The following SRGAP3 variants were observed in gnomAD, a reference collection of about 807,000 sequenced individuals.
SRGAP3 encodes SLIT-ROBO Rho GTPase-activating protein 3.
In SRGAP3, 39 loss-of-function variants were observed where a neutral mutation model predicts 121.1. The observed-to-expected ratio is 0.32, with a 90% CI of 0.25 to 0.42. SRGAP3 has a LOEUF of 0.42. Among genes scored for constraint, SRGAP3 ranks in the 10% least tolerant of loss-of-function variants. The pLI is 1.00. For synonymous variants in SRGAP3, 601 were observed against 570.0 expected, an observed-to-expected ratio of 1.05 and a Z score of -0.77; for missense variants, 1,213 against 1,470.6, an observed-to-expected ratio of 0.82 and a Z score of 2.86.
At chr3:9,120,275 A>T (rs1407139029) in intron 2 of SRGAP3, among the ~76,000 whole-genome samples, 2 of 152,204 alleles carry the variant, frequency 1.3e-5, no homozygotes, top group Non-Finnish European at 2.9e-5. Flanking sequence ...ACCAGGTGGG[A>T]ATCAAGGAAG....
chr3:9,189,620 T>C (rs1951694372), intron 1 of SRGAP3, among the ~76,000 whole-genome samples: 1 of 152,226 alleles, frequency 6.6e-6, no homozygotes, highest in Non-Finnish European at 1.5e-5. Context: ...TCAGCTCAAG[T>C]GCCTTCTAAT....
chr3:9,187,297 T>G (rs1187772438), intron 1 of SRGAP3, among the ~76,000 whole-genome samples: 2 of 151,912 alleles, frequency 1.3e-5, no homozygotes, highest in East Asian at 3.9e-4. Flanking sequence ...GCCTCCAAGG[T>G]GAAAAGTTGC....
At position 9,064,858 on chromosome 3, in the gene SRGAP3, TAATAATA is replaced by T. The variant is rs1487078019; in HGVS notation, c.487-284_487-278del. Among the ~76,000 whole-genome samples the T allele has an allele frequency of 7.4e-5, 7 of 94,632 alleles. No homozygotes were observed. The Middle Eastern group carries it at 0.025, about 341-fold the overall frequency. 62.1% of individuals were successfully genotyped at this position (94,632 alleles called of 152,430 possible). A position where few individuals can be genotyped will look rare whatever the true frequency, so the allele number is the denominator to read the frequency against. Reference sequence around the variant, plus strand: ...GGCTAGTAAAGAGGAAATTAAAAAATAATAATAAATAAATAAATAAATAAATAAATAA... The same window carrying T: ...GGCTAGTAAAGAGGAAATTAAAAAATAATAAATAAATAAATAAATAAATAA... On this transcript the variant is annotated intron_variant, in intron 4 of 21. Coordinates refer to ENST00000383836, the MANE Select transcript of SRGAP3 (RefSeq NM_014850.4).
chr3:9,134,486 T>C (rs1272120505), intron 1 of SRGAP3, among the ~76,000 whole-genome samples: 5 of 152,128 alleles, frequency 3.3e-5, no homozygotes, highest in Admixed American at 3.3e-4. Flanking sequence ...CTGATTATCA[T>C]GACATCCTAT....
intron 2 of SRGAP3, among the ~76,000 whole-genome samples, chr3:9,108,256 T>C (rs1948487051): frequency 6.6e-6 from 1 of 152,066 alleles, no homozygotes; most frequent in African/African-American, 2.4e-5. Flanking sequence ...TCAGAATCTC[T>C]GGGGGTAGCG....
At chr3:9,360,789 T>A (rs1260039489) in intron 1 of SRGAP3, among the ~76,000 whole-genome samples, 5 of 152,154 alleles carry the variant, frequency 3.3e-5, no homozygotes, top group African/African-American at 9.7e-5. Context: ...TCCCACTGGG[T>A]CCCTCCCACA....
At chr3:9,332,352 TCAAG>T (rs1955622807) in intron 1 of SRGAP3, among the ~76,000 whole-genome samples, 1 of 152,186 alleles carries the variant, frequency 6.6e-6, no homozygotes, top group African/African-American at 2.4e-5. Flanking sequence ...ACTCCCAACC[TCAAG>T]TGATCCACCT....
In SRGAP3 at chr3:8,990,682, T is replaced by A. The variant is rs1408381613; in HGVS notation, c.2716A>T (p.Ile906Phe). The stretch of plus-strand genomic sequence containing the variant: ...ATCCTCCGCTTCTCAGGGCTCTCGA[T>A]CCTCCCCCGGGTGAGGGGGATTTTG... ...PHKIPLTRGRIESPEKRRMAT... is the reference protein window; with the variant it reads ...PHKIPLTRGRFESPEKRRMAT... The change falls in exon 21 of 22, where the codon ATC becomes TTC. Residue 906 changes from isoleucine (I) to phenylalanine (F), a missense_variant. Coordinates refer to ENST00000383836, the MANE Select transcript of SRGAP3 (RefSeq NM_014850.4). 2.5e-6 allele frequency: 4 copies of A among 1,613,338 alleles called. No individual in the cohort carries two copies. Among genetic ancestry groups the A allele is most frequent in the Non-Finnish European group, 3.4e-6 (4 of 1,179,866 alleles).
intron 1 of SRGAP3, among the ~76,000 whole-genome samples, chr3:9,342,120 G>A (rs1575019103): frequency 2.0e-5 from 3 of 152,202 alleles, no homozygotes; most frequent in African/African-American, 7.2e-5. Flanking sequence ...GGAAGCCGAG[G>A]CAGGCGAATC....
intron 3 of SRGAP3, among the ~76,000 whole-genome samples, chr3:9,262,189 T>A (rs1221504763): frequency 1.3e-5 from 2 of 152,072 alleles, no homozygotes. Flanking sequence ...CAGGGCTGCC[T>A]TACAAGAGTT....
At chr3:9,317,814 T>C (rs1479554655) in intron 3 of SRGAP3, among the ~76,000 whole-genome samples, 1 of 152,200 alleles carries the variant, frequency 6.6e-6, no homozygotes, top group Non-Finnish European at 1.5e-5. Flanking sequence ...TGAAAACCAC[T>C]GATACGGGGA....
At chr3:9,025,470 C>T (rs2125068624) in intron 13 of SRGAP3, 132 bp from the exon 14 acceptor site, 2 of 1,030,164 alleles carry the variant, frequency 1.9e-6, no homozygotes, top group African/African-American at 1.6e-5. Context: ...CAGAGTCGTT[C>T]CCTATGAATG....
chr3:9,094,402 C>A (rs1443103491), intron 3 of SRGAP3, among the ~76,000 whole-genome samples: 1 of 152,184 alleles, frequency 6.6e-6, no homozygotes, highest in Admixed American at 6.5e-5. Context: ...TTCTCTGTTT[C>A]TCTATTAGAA....
chr3:9,288,466 A>C (rs1486777488), intron 3 of SRGAP3, among the ~76,000 whole-genome samples: 2 of 151,230 alleles, frequency 1.3e-5, no homozygotes, highest in Non-Finnish European at 2.9e-5. Context: ...AGAGCTCTAG[A>C]TATTGTTCCA....
At chr3:9,305,670 T>C (rs947885966) in intron 3 of SRGAP3, among the ~76,000 whole-genome samples, 9 of 152,146 alleles carry the variant, frequency 5.9e-5, no homozygotes, top group African/African-American at 1.7e-4. Flanking sequence ...TTTGGTTTTC[T>C]GTCCTTGTGA....
At chr3:9,045,611 G>A (rs768818303) in intron 10 of SRGAP3, among the ~76,000 whole-genome samples, 10 of 152,014 alleles carry the variant, frequency 6.6e-5, no homozygotes, top group South Asian at 2.1e-4. Flanking sequence ...GGAGAATGGC[G>A]GCAATGAAAG....
intron 3 of SRGAP3, among the ~76,000 whole-genome samples, chr3:9,283,561 C>T (rs1295042399): frequency 6.6e-6 from 1 of 152,160 alleles, no homozygotes; most frequent in Non-Finnish European, 1.5e-5. Flanking sequence ...CATTTGAAAG[C>T]TTGAATGGGA....
intron 9 of SRGAP3, among the ~76,000 whole-genome samples, chr3:9,050,347 T>C (rs531594404): frequency 6.6e-6 from 1 of 152,338 alleles, no homozygotes; most frequent in South Asian, 2.1e-4. Flanking sequence ...GTTGAAGATG[T>C]AATCCCAAAT....
At chr3:9,062,975 T>A (rs1468812084) in intron 5 of SRGAP3, among the ~76,000 whole-genome samples, 1 of 152,198 alleles carries the variant, frequency 6.6e-6, no homozygotes, top group East Asian at 1.9e-4. Flanking sequence ...TACATTCCCT[T>A]TAGTAGTGTG....
Sources: allele counts gnomAD v4.1 joint callset (sites outside exome capture counted in the v4.1 genomes callset), GRCh38; gene constraint gnomAD v4.1.1; transcripts MANE v1.5; gene names NCBI Gene and HGNC (gene_info 2026-07-23, HGNC 2026-07-21).